ATF7IP: variants seen among roughly 807,000 people sequenced by gnomAD.
ATF7IP encodes the protein activating transcription factor 7 interacting protein.
In ATF7IP, 23 loss-of-function variants were observed where a neutral mutation model predicts 106.4. That is an observed-to-expected ratio of 0.22 (90% CI 0.16 to 0.31). The LOEUF is 0.31. ATF7IP is among the 10% of genes least tolerant of loss of function. ATF7IP has a pLI of 1.00. For synonymous variants in ATF7IP, 542 were observed against 539.0 expected (o/e 1.01, Z -0.08); for missense variants, 1,334 against 1,524.3 (o/e 0.88, Z 2.08).
chr12:14,412,327 A>G (rs910034808), intron 1 of ATF7IP, among the ~76,000 whole-genome samples: 1 of 152,200 alleles, frequency 6.6e-6, no homozygotes, highest in Non-Finnish European at 1.5e-5. Context: ...GAAAATAGCT[A>G]GGATTTTGAT....
intron 1 of ATF7IP, among the ~76,000 whole-genome samples, chr12:14,377,758 C>G (rs1938813731): frequency 6.6e-6 from 1 of 151,804 alleles, no homozygotes; most frequent in East Asian, 1.9e-4. Flanking sequence ...GGATTACAGG[C>G]ACCCACCACC....
intron 1 of ATF7IP, among the ~76,000 whole-genome samples, chr12:14,375,542 T>TA (rs1400671721): frequency 2.0e-5 from 3 of 151,500 alleles, no homozygotes; most frequent in Non-Finnish European, 4.4e-5. Flanking sequence ...TAAAAATAAA[T>TA]AAAAAAATGA....
intron 1 of ATF7IP, among the ~76,000 whole-genome samples, chr12:14,413,610 T>C (rs1941044911): frequency 6.6e-6 from 1 of 152,216 alleles, no homozygotes. Flanking sequence ...GATAGTAATA[T>C]AATTATTGAT....
intron 3 of ATF7IP, 33 bp from the exon 4 acceptor site, chr12:14,436,073 C>A (rs910966650): frequency 8.1e-6 from 13 of 1,605,306 alleles, no homozygotes; most frequent in East Asian, 2.2e-5. Flanking sequence ...AAGAAAAACA[C>A]CTGAGTGTGA....
chr12:14,477,103 A>T (rs1944287016), intron 11 of ATF7IP, among the ~76,000 whole-genome samples: 1 of 152,190 alleles, frequency 6.6e-6, no homozygotes, highest in African/African-American at 2.4e-5. Flanking sequence ...AAAACTGGTG[A>T]TTATTGCACA....
chr12:14,439,483 A>G (rs1312965837), intron 5 of ATF7IP, among the ~76,000 whole-genome samples: 2 of 152,184 alleles, frequency 1.3e-5, no homozygotes, highest in African/African-American at 4.8e-5. Context: ...GAATAATTTT[A>G]TTCATTGTTT....
chr12:14,417,078 A>G (rs1245887776), intron 1 of ATF7IP: 3 of 301,282 alleles, frequency 1.0e-5, no homozygotes, highest in Non-Finnish European at 1.5e-5. Context: ...CAAATTTTCC[A>G]TTTTTATTTT....
At chr12:14,489,970 A>G (rs1432357401) in intron 13 of ATF7IP, among the ~76,000 whole-genome samples, 4 of 152,182 alleles carry the variant, frequency 2.6e-5, no homozygotes, top group African/African-American at 9.7e-5. Flanking sequence ...AAGAGGTCCA[A>G]TATAATTAAC....
intron 10 of ATF7IP, among the ~76,000 whole-genome samples, chr12:14,473,318 G>A (rs1944132258): frequency 6.6e-6 from 1 of 151,524 alleles, no homozygotes; most frequent in Non-Finnish European, 1.5e-5. Flanking sequence ...GTGTGTGTGT[G>A]TGTGTGTGTG....
chr12:14,441,234 T>A (rs1409175565), intron 5 of ATF7IP, among the ~76,000 whole-genome samples: 1 of 152,196 alleles, frequency 6.6e-6, no homozygotes, highest in Non-Finnish European at 1.5e-5. Flanking sequence ...TCCTCACCAA[T>A]ACTTGTTATT....
chr12:14,367,546 C>T (rs1193571441), intron 1 of ATF7IP: 1 of 152,044 alleles, frequency 6.6e-6, no homozygotes, highest in Non-Finnish European at 1.5e-5. Context: ...TGAACATACA[C>T]ATAAATATTT....
At chr12:14,473,288 C>CTGTATGTGTG (rs796814505) in intron 10 of ATF7IP, among the ~76,000 whole-genome samples, 9,820 of 140,214 alleles carry the variant, frequency 0.07, 508 homozygotes, top group South Asian at 0.085. Context: ...CTCTCTCTCT[C>CTGTATGTGTG]TCTGTGTGTG....
intron 6 of ATF7IP, among the ~76,000 whole-genome samples, chr12:14,452,079 C>T (rs1943225341): frequency 6.6e-6 from 1 of 151,830 alleles, no homozygotes; most frequent in African/African-American, 2.4e-5. Flanking sequence ...GGTGAAAGTA[C>T]CCTTTTATCA....
At chr12:14,421,010 C>T (rs1442954347) in intron 1 of ATF7IP, among the ~76,000 whole-genome samples, 1 of 152,196 alleles carries the variant, frequency 6.6e-6, no homozygotes, top group African/African-American at 2.4e-5. Context: ...TGATTGATGA[C>T]ATTGTTTTTC....
chr12:14,376,805 A>C (rs1382695016), intron 1 of ATF7IP, among the ~76,000 whole-genome samples: 2 of 152,174 alleles, frequency 1.3e-5, no homozygotes. Flanking sequence ...TTCTATATTT[A>C]AGATGCAATC....
At position 14,371,004 on chromosome 12, in the gene ATF7IP, G is replaced by A. The variant is rs139948990; in HGVS notation, c.-8+5177G>A. On this transcript the variant is annotated intron_variant, in intron 1 of 14. Coordinates refer to ENST00000261168, the MANE Select transcript of ATF7IP (RefSeq NM_018179.5). The stretch of plus-strand genomic sequence containing the variant: ...ATAAAGATAAAAAATTTTTATTTTA[G>A]TTTCCTTGGTATCATTAAATTATTA... Among the ~76,000 whole-genome samples the A allele has an allele frequency of 7.1e-4, 108 of 151,234 alleles. 2 individuals carry two copies. The East Asian group carries it at 0.015, about 21-fold the overall frequency.
rs146658567 is a variant in ATF7IP, at chr12:14,491,408, A to T, written c.3281-4823A>T. ...GGCCCCACATCACTGGACCCCTAGA[A>T]ATTTTACTGAGGTAGAAGATCCCTG... On this transcript the variant is annotated intron_variant, in intron 13 of 14. Transcript: ENST00000261168. 8.1e-3 allele frequency among the ~76,000 whole-genome samples: 1,228 copies of T among 152,304 alleles called. 30 individuals are homozygous for T. The highest frequency in any genetic ancestry group is 0.028 in the African/African-American group (1,176 of 41,560).
chr12:14,480,849 A>G (rs1487221548), intron 12 of ATF7IP, among the ~76,000 whole-genome samples, 154 bp from the exon 13 acceptor site: 1 of 152,126 alleles, frequency 6.6e-6, no homozygotes, highest in Non-Finnish European at 1.5e-5. Flanking sequence ...TGGCCCTATC[A>G]TTTTTATCTT....
intron 9 of ATF7IP, among the ~76,000 whole-genome samples, chr12:14,463,652 A>G (rs887260442): frequency 6.6e-6 from 1 of 152,158 alleles, no homozygotes; most frequent in Admixed American, 6.5e-5. Context: ...TGTAGGGGGT[A>G]ATGTGACATC....
Sources: allele counts gnomAD v4.1 joint callset (sites outside exome capture counted in the v4.1 genomes callset), GRCh38; gene constraint gnomAD v4.1.1; transcripts MANE v1.5; gene names NCBI Gene and HGNC (gene_info 2026-07-23, HGNC 2026-07-21).